Variants in ZFHX3 observed in about 807,000 individuals in gnomAD.
ZFHX3 encodes zinc finger homeobox protein 3.
ZFHX3 carries 42 observed loss-of-function variants against 279.1 expected under a neutral mutation model. The ratio of observed to expected loss-of-function variants is 0.15; its 90% CI spans 0.12 to 0.19. The LOEUF (loss-of-function observed/expected upper bound fraction) is 0.19. Ranked by LOEUF, ZFHX3 falls within the 10% of genes least tolerant of loss-of-function variation. The probability of loss-of-function intolerance (pLI) is 1.00; values close to 1 mark genes in which losing one functional copy is unlikely to be tolerated. For missense variants in ZFHX3, 4,981 were observed against 4,754.0 expected, an observed-to-expected ratio of 1.05 and a Z score of -1.40; for synonymous variants, 2,293 against 1,957.8, an observed-to-expected ratio of 1.17 and a Z score of -4.52.
At chr16:73,123,091 C>G (rs1479203398) in intron 7 of ZFHX3, among the ~76,000 whole-genome samples, 1 of 151,640 alleles carries the variant, frequency 6.6e-6, no homozygotes, top group African/African-American at 2.4e-5. Flanking sequence ...TCCCCACCCT[C>G]TAAAACACAG....
chr16:72,946,210 A>G (rs921819624), intron 3 of ZFHX3, among the ~76,000 whole-genome samples: 4 of 152,268 alleles, frequency 2.6e-5, no homozygotes, highest in African/African-American at 4.8e-5. Context: ...TGCATGAATC[A>G]ATACCACACT....
intron 5 of ZFHX3, among the ~76,000 whole-genome samples, chr16:73,243,428 A>G (rs1202936773): frequency 2.0e-5 from 3 of 152,188 alleles, no homozygotes; most frequent in Admixed American, 1.3e-4. Flanking sequence ...CAAACTGAGG[A>G]TCCACAAAGG....
At chr16:73,864,146 C>T (rs921224796) in intron 1 of ZFHX3, among the ~76,000 whole-genome samples, 1 of 152,182 alleles carries the variant, frequency 6.6e-6, no homozygotes, top group Non-Finnish European at 1.5e-5. Context: ...ATTGCCAGAA[C>T]TTGCAGTTCT....
At chr16:73,552,413 G>A (rs907286701) in intron 2 of ZFHX3, among the ~76,000 whole-genome samples, 8 of 152,072 alleles carry the variant, frequency 5.3e-5, no homozygotes, top group East Asian at 1.9e-4. Context: ...GACTAACATC[G>A]TGCCATTTCA....
intron 1 of ZFHX3, among the ~76,000 whole-genome samples, chr16:73,837,413 T>G (rs115006150): frequency 0.018 from 2,731 of 152,282 alleles, 91 homozygotes; most frequent in African/African-American, 0.062. Flanking sequence ...TCTGCTTAGG[T>G]AAAACCTTGG....
In ZFHX3 at chr16:72,787,962, G is replaced by T. The variant is rs2035509249; in HGVS notation, c.10314C>A (p.Leu3438=). The stretch of plus-strand genomic sequence containing the variant: ...TGCTTTCTGCTTCTGGCTCTTCAGG[G>T]AGTTTCGGCAGGAGGGGGGACACCT... ...PREVSPLLPK[L]PEEPEAESKS... The change falls in exon 10 of 10, where the codon CTC becomes CTA. Residue 3438 remains leucine, a synonymous_variant. Coordinates refer to ENST00000268489, the MANE Select transcript of ZFHX3 (RefSeq NM_006885.4). 1 of 1,613,780 alleles carries T rather than the reference G, an allele frequency of 6.2e-7. No homozygotes were observed. The highest frequency in any genetic ancestry group is 1.3e-5 in the African/African-American group (1 of 74,842).
At chr16:73,311,605 AAAAAAAAG>A (rs1354597272) in intron 4 of ZFHX3, among the ~76,000 whole-genome samples, 4 of 145,508 alleles carry the variant, frequency 2.7e-5, no homozygotes, top group Admixed American at 7.0e-5. Context: ...AAAAAAAAAA[AAAAAAAAG>A]AAGTCACCAA....
At chr16:72,840,957 A>C (rs1294086156) in intron 4 of ZFHX3, among the ~76,000 whole-genome samples, 1 of 152,216 alleles carries the variant, frequency 6.6e-6, no homozygotes, top group East Asian at 1.9e-4. Context: ...AACACCAGCT[A>C]AATCTGCTCT....
Position 73,621,244 on chromosome 16 carries a change from C to T in ZFHX3, c.-1547+58936G>A, listed in dbSNP as rs147636680. Among the ~76,000 whole-genome samples the T allele has an allele frequency of 1.8e-4, 28 of 152,282 alleles. No individual in the cohort carries two copies. The East Asian group carries it at 3.5e-3, about 19-fold the overall frequency. The stretch of plus-strand genomic sequence containing the variant: ...CGTTTCCCTTCCGCAGCGTTACCTA[C>T]GATTCTCCCCCATTTAAAATTTGCC... On this transcript the variant is annotated intron_variant, in intron 2 of 17. Transcript: ENST00000641206.
chr16:73,793,929 G>A (rs574435057), intron 1 of ZFHX3: 2 of 151,312 alleles, frequency 1.3e-5, no homozygotes, highest in Admixed American at 1.3e-4. Context: ...GGTGGTGATT[G>A]GGGGGAGGGG....
chr16:73,174,476 G>T (rs1341793323), intron 5 of ZFHX3, among the ~76,000 whole-genome samples: 1 of 152,124 alleles, frequency 6.6e-6, no homozygotes, highest in African/African-American at 2.4e-5. Context: ...GAAGGGGGCT[G>T]GTATTAGGTT....
intron 1 of ZFHX3, among the ~76,000 whole-genome samples, chr16:73,735,366 G>A: frequency 7.3e-6 from 1 of 136,970 alleles, no homozygotes. Flanking sequence ...AATAAAGCAA[G>A]TTCCATGTGT....
intron 3 of ZFHX3, 87 bp from the exon 4 acceptor site, chr16:72,890,049 C>T (rs2038731384): frequency 8.2e-7 from 1 of 1,221,338 alleles, no homozygotes; most frequent in Non-Finnish European, 1.1e-6. Flanking sequence ...TGGTCACAGC[C>T]AGAGGCATGC....
intron 1 of ZFHX3, among the ~76,000 whole-genome samples, chr16:73,750,618 A>G (rs2053753400): frequency 1.3e-5 from 2 of 152,178 alleles, no homozygotes; most frequent in African/African-American, 4.8e-5. Context: ...TAATCAAGAA[A>G]ACAACAAAAT....
chr16:73,061,496 CG>C (rs1965683824), upstream of ZFHX3: 1 of 149,536 alleles, frequency 6.7e-6, no homozygotes, highest in East Asian at 2.0e-4. Context: ...TCAGTTTGTC[CG>C]GTTTCTGATT....
chr16:73,503,023 C>T (rs964051205), intron 2 of ZFHX3, among the ~76,000 whole-genome samples: 2 of 152,246 alleles, frequency 1.3e-5, no homozygotes, highest in Non-Finnish European at 2.9e-5. Context: ...TGATCAGTCC[C>T]ATTATGTTGT....
chr16:73,854,727 C>CAAAA (rs60003447), intron 1 of ZFHX3, among the ~76,000 whole-genome samples: 29 of 59,504 alleles, frequency 4.9e-4, no homozygotes, highest in African/African-American at 1.2e-3. Context: ...CCACCTTCCA[C>CAAAA]AAAAAAAAAA....
At chr16:73,013,747 G>C (rs539309495) in intron 1 of ZFHX3, among the ~76,000 whole-genome samples, 1 of 152,264 alleles carries the variant, frequency 6.6e-6, no homozygotes, top group East Asian at 1.9e-4. Context: ...CAAGGAAATA[G>C]GCATTGTTGG....
chr16:73,113,657 T>A (rs1966402149), intron 7 of ZFHX3, among the ~76,000 whole-genome samples: 1 of 152,238 alleles, frequency 6.6e-6, no homozygotes, highest in Middle Eastern at 3.4e-3. Flanking sequence ...CTAGAAGAGA[T>A]ATGAGAAAGT....
Sources: gnomAD v4.1 joint callset for allele counts (sites outside exome capture counted in the v4.1 genomes callset) on GRCh38, gnomAD v4.1.1 for gene constraint, MANE v1.5 for transcripts, NCBI Gene and HGNC (gene_info 2026-07-23, HGNC 2026-07-21) for gene names.